Variants in NUMBL observed in about 807,000 individuals in gnomAD.
The protein encoded by NUMBL is numb-like protein.
In NUMBL, 20 loss-of-function variants were observed where a neutral mutation model predicts 48.9. The ratio of observed to expected loss-of-function variants is 0.41; its 90% CI spans 0.29 to 0.59. NUMBL has a LOEUF of 0.59. Among genes scored for constraint, NUMBL ranks in the 20% least tolerant of loss-of-function variants. The pLI is 0.31. For missense variants in NUMBL, 660 were observed against 846.2 expected, an observed-to-expected ratio of 0.78 and a Z score of 2.73; for synonymous variants, 340 against 348.7, an observed-to-expected ratio of 0.98 and a Z score of 0.28.
intron 8 of NUMBL, among the ~76,000 whole-genome samples, chr19:40,672,666 T>C (rs2081854336): frequency 6.6e-6 from 1 of 152,250 alleles, no homozygotes; most frequent in Non-Finnish European, 1.5e-5. Context: ...ACACACTGCA[T>C]GGAGATCATG....
At chr19:40,680,398 C>T (rs1247865095) in intron 6 of NUMBL, among the ~76,000 whole-genome samples, 5 of 151,920 alleles carry the variant, frequency 3.3e-5, no homozygotes, top group Non-Finnish European at 7.4e-5. Context: ...GATCTGCCTG[C>T]CTTGGCCTCC....
chr19:40,680,852 G>A (rs1568430513), intron 6 of NUMBL, 65 bp downstream of exon 6: 15 of 1,571,920 alleles, frequency 9.5e-6, no homozygotes, highest in East Asian at 4.5e-5. Flanking sequence ...CAGGAAGCTT[G>A]TAGGGGTGGG....
At chr19:40,674,551 A>C (rs778005744) in intron 7 of NUMBL, among the ~76,000 whole-genome samples, 3 of 152,130 alleles carry the variant, frequency 2.0e-5, no homozygotes, top group Non-Finnish European at 2.9e-5. Context: ...TGCCATGGAG[A>C]TTAAACTCAG....
intron 6 of NUMBL, among the ~76,000 whole-genome samples, chr19:40,677,940 A>G (rs941238317): frequency 1.3e-5 from 2 of 152,062 alleles, no homozygotes; most frequent in African/African-American, 4.8e-5. Context: ...TGTTCTAGAT[A>G]TTGATAGGGG....
chr19:40,681,120 T>C (rs764636055), intron 5 of NUMBL, 63 bp from the exon 6 acceptor site: 1,121 of 1,557,300 alleles, frequency 7.2e-4, no homozygotes, highest in South Asian at 9.6e-4. Context: ...TCACTCAACA[T>C]TCTCTCTGTG....
At chr19:40,676,115 G>A (rs750282492) in intron 7 of NUMBL, among the ~76,000 whole-genome samples, 1 of 152,150 alleles carries the variant, frequency 6.6e-6, no homozygotes. Flanking sequence ...CATGGGCTGG[G>A]CCCAGTTGTC....
Position 40,666,094 on chromosome 19 carries a change from C to A in NUMBL, c.*1374G>T, listed in dbSNP as rs969292813. 1.3e-5 allele frequency: 2 copies of A among 151,640 alleles called. No individual in the cohort carries two copies. Among genetic ancestry groups the A allele is most frequent in the Non-Finnish European group, 2.9e-5 (2 of 67,988 alleles). 9.4% of individuals were successfully genotyped at this position (151,640 alleles called of 1,614,324 possible). On this transcript the variant is annotated 3_prime_UTR_variant, in exon 10 of 10. Coordinates refer to ENST00000252891, the MANE Select transcript of NUMBL (RefSeq NM_004756.5). ...CAGCATGGGCAAAGATATACTGTTA[C>A]CAACCCAACTTGTTAAAATATTAAT...
At position 40,682,688 on chromosome 19, in the gene NUMBL, C is replaced by T. The variant is rs373100861; in HGVS notation, c.399+40G>A. The T allele has an allele frequency of 6.3e-7, 1 of 1,596,034 alleles. No homozygotes were observed. The highest frequency in any genetic ancestry group is 2.2e-5 in the East Asian group (1 of 44,850). ...TCCGCCCTGATTCCAGCAGGGTGAG[C>T]AGACAGGCCCCCTGGCGTCCACCCC... On this transcript the variant is annotated intron_variant, in intron 5 of 9. Transcript: ENST00000252891. The surrounding 1 kb of genome is among the most constrained non-coding windows in gnomAD (Gnocchi z 4.0).
chr19:40,673,147 C>T lies in NUMBL; in HGVS notation c.1036+197G>A, dbSNP rs1033924829. Among the ~76,000 whole-genome samples the T allele has an allele frequency of 1.3e-5, 2 of 152,210 alleles. No homozygotes were observed. Among genetic ancestry groups the T allele is most frequent in the Non-Finnish European group, 2.9e-5 (2 of 68,032 alleles). On this transcript the variant is annotated intron_variant, in intron 8 of 9. Coordinates refer to ENST00000252891, the MANE Select transcript of NUMBL (RefSeq NM_004756.5). The surrounding 1 kb of genome is among the most constrained non-coding windows in gnomAD (Gnocchi z 5.9). ...CTTACTCAGAGCAGACACGGCTTAT[C>T]AATCCTGATTTGTGCTATCTCTTTC... is the stretch of plus-strand genomic sequence containing the variant.
rs748502552 is a variant in NUMBL, at chr19:40,682,989, G to A, written c.250-21C>T. On this transcript the variant is annotated intron_variant, in intron 3 of 9. Transcript: ENST00000252891. The surrounding 1 kb of genome is among the most constrained non-coding windows in gnomAD (Gnocchi z 4.0). ...AGGTACTTGGGTTGGAGGGAATGGG[G>A]GGGGGGACATGAAACAGCACAGTAA... is the stretch of plus-strand genomic sequence containing the variant. 5.0e-6 allele frequency: 8 copies of A among 1,609,700 alleles called. No homozygotes were observed. The South Asian group carries it at 5.5e-5, about 11-fold the overall frequency.
At position 40,682,098 on chromosome 19, in the gene NUMBL, T is replaced by A. The variant is rs1237135712; in HGVS notation, c.399+630A>T. ...GGCACCATTTCAAATAACTTGCATA[T>A]GCTTTCTCACTTAATGGTAGGGTCT... On this transcript the variant is annotated intron_variant, in intron 5 of 9. Coordinates refer to ENST00000252891, the MANE Select transcript of NUMBL (RefSeq NM_004756.5). This position sits in a 1 kb window ranked among gnomAD's most constrained non-coding sequence, Gnocchi z 4.0. Among the ~76,000 whole-genome samples the A allele has an allele frequency of 2.0e-5, 3 of 152,220 alleles. No individual in the cohort carries two copies. The highest frequency in any genetic ancestry group is 6.5e-5 in the Admixed American group (1 of 15,278).
rs1167121739 is a variant in NUMBL at position 40,683,909 on chromosome 19, C to CT, written c.249+507dup. 2.0e-5 allele frequency among the ~76,000 whole-genome samples: 3 copies of CT among 151,702 alleles called. No individual in the cohort carries two copies. The East Asian group carries it at 5.8e-4, about 30-fold the overall frequency. On this transcript the variant is annotated intron_variant, in intron 3 of 9. Transcript: ENST00000252891. Reference sequence around the variant, plus strand: ...CCTCCCACCTCAGCCTTGTGAGTAGCTGGGACTACAGGTGCGTGCCACTGT... The same window carrying CT: ...CCTCCCACCTCAGCCTTGTGAGTAGCTTGGGACTACAGGTGCGTGCCACTGT...
At chr19:40,678,044 A>G (rs986685426) in intron 6 of NUMBL, among the ~76,000 whole-genome samples, 1 of 152,178 alleles carries the variant, frequency 6.6e-6, no homozygotes, top group Non-Finnish European at 1.5e-5. Flanking sequence ...TGTCTCTCTC[A>G]GTTCTAACGC....
intron 2 of NUMBL, chr19:40,685,971 G>T (rs1466811714): frequency 6.5e-6 from 1 of 153,040 alleles, no homozygotes; most frequent in Non-Finnish European, 1.5e-5. Context: ...AGGGTTATTT[G>T]TAAGGGTGTG....
At position 40,681,006 on chromosome 19, in the gene NUMBL, G is replaced by C; in HGVS notation, c.451C>G (p.Arg151Gly). 2 of 1,614,200 alleles carry C rather than the reference G, an allele frequency of 1.2e-6. No homozygotes were observed. The highest frequency in any genetic ancestry group is 1.1e-5 in the South Asian group (1 of 91,076). The change falls in exon 6 of 10, where the codon CGC (arginine) becomes GGC (glycine). Residue 151 changes from arginine to glycine, a missense_variant. By Grantham distance (125) the Arg-to-Gly change is moderately radical. Transcript: ENST00000252891. Reference sequence around the variant, plus strand: ...TAGGAGAAAGCCTTGTCCAGGTTGCGGTCAGGAGCACAAAAGGAGACCTTT... The same window carrying C: ...TAGGAGAAAGCCTTGTCCAGGTTGCCGTCAGGAGCACAAAAGGAGACCTTT... ...IEKVSFCAPD[R>G]NLDKAFSYIC...
At chr19:40,683,834 T>C (rs1439832086) in intron 3 of NUMBL, among the ~76,000 whole-genome samples, 1 of 152,210 alleles carries the variant, frequency 6.6e-6, no homozygotes, top group Non-Finnish European at 1.5e-5. Flanking sequence ...TGGAGTGCAA[T>C]GGCACAATTA....
In NUMBL at chr19:40,690,489, G is replaced by A; in HGVS notation, c.-6C>T. ...GCCGCCGCGCTGCGGGACATCCAGG[G>A]CCCGGGCGCCCCCGCCTCCCGCGGC... On this transcript the variant is annotated 5_prime_UTR_variant, in exon 1 of 10. Coordinates refer to ENST00000252891, the MANE Select transcript of NUMBL (RefSeq NM_004756.5). The A allele has an allele frequency of 1.6e-6, 2 of 1,285,262 alleles. No individual in the cohort carries two copies. Among genetic ancestry groups the A allele is most frequent in the Non-Finnish European group, 2.0e-6 (2 of 1,014,362 alleles). The allele number at this position is 1,285,262 out of a possible 1,614,324, so 79.6% of individuals were successfully genotyped here.
At chr19:40,680,884 A>C in intron 6 of NUMBL, 33 bp downstream of exon 6, 1 of 1,613,138 alleles carries the variant, frequency 6.2e-7, no homozygotes. Flanking sequence ...AGGGCATGGG[A>C]GGGAAGAGTT....
At chr19:40,677,056 C>T (rs924420542) in intron 7 of NUMBL, among the ~76,000 whole-genome samples, 176 bp downstream of exon 7, 5 of 152,146 alleles carry the variant, frequency 3.3e-5, no homozygotes, top group African/African-American at 9.7e-5. Context: ...TCAAGCGATC[C>T]GCCCATCTCG....
Sources: gnomAD v4.1 joint callset for allele counts (sites outside exome capture counted in the v4.1 genomes callset) on GRCh38, gnomAD v4.1.1 for gene constraint, Gnocchi (gnomAD v3.1) non-coding constraint, MANE v1.5 for transcripts, NCBI Gene and HGNC (gene_info 2026-07-23, HGNC 2026-07-21) for gene names.